CACNB1: variants seen among roughly 807,000 people sequenced by gnomAD.
CACNB1 encodes the protein calcium voltage-gated channel auxiliary subunit beta 1.
In CACNB1, 29 loss-of-function variants were observed where a neutral mutation model predicts 71.6. The observed-to-expected ratio is 0.40, with a 90% confidence interval of 0.30 to 0.55. The LOEUF is 0.55. Among genes scored for constraint, CACNB1 ranks in the 20% least tolerant of loss-of-function variants. The pLI is 0.38. For synonymous variants in CACNB1, 300 were observed against 319.6 expected, an observed-to-expected ratio of 0.94 and a Z score of 0.65; for missense variants, 623 against 801.8, an observed-to-expected ratio of 0.78 and a Z score of 2.69.
chr17:39,194,611 GCTGTCCCTGAATGAGATGAC>G lies in CACNB1; in HGVS notation c.171+253_171+272del, dbSNP rs1380379929. Reference sequence around the variant, plus strand: ...AGCAAGCTGGAGGGAGGCAGGCCAGGCTGTCCCTGAATGAGATGACGCAGGCCAGCAGGCAGCAGGGGAGG... The same window carrying G: ...AGCAAGCTGGAGGGAGGCAGGCCAGGGCAGGCCAGCAGGCAGCAGGGGAGG... On this transcript the variant is annotated intron_variant, in intron 2 of 13. Coordinates refer to ENST00000394303, the MANE Select transcript of CACNB1 (RefSeq NM_000723.5). The surrounding 1 kb of genome is among the most constrained non-coding windows in gnomAD (Gnocchi z 4.6). Among the ~76,000 whole-genome samples the G allele has an allele frequency of 2.0e-5, 3 of 152,012 alleles. No homozygotes were observed. The highest frequency in any genetic ancestry group is 4.4e-5 in the Non-Finnish European group (3 of 67,998).
In CACNB1 at chr17:39,174,854, C is replaced by A. The variant is rs1312904567; in HGVS notation, c.*339G>T. The A allele has an allele frequency of 8.2e-6, 2 of 244,068 alleles. No individual in the cohort carries two copies. The highest frequency in any genetic ancestry group is 1.9e-4 in the East Asian group (2 of 10,706). The allele number at this position is 244,068 out of a possible 1,614,324, so 15.1% of individuals were successfully genotyped here. ...GAAGGAGAGCCATCCCACTTAGGAC[C>A]GTCACTTAGGGCCCCGAGTAGAAAG... is the stretch of plus-strand genomic sequence containing the variant. On this transcript the variant is annotated 3_prime_UTR_variant, in exon 14 of 14. Coordinates refer to ENST00000394303, the MANE Select transcript of CACNB1 (RefSeq NM_000723.5).
Position 39,175,860 on chromosome 17 carries a change from C to T in CACNB1, c.1333-203G>A, listed in dbSNP as rs2045565377. ...CAGGGCATTTGCTCCTCTCTCGGGA[C>T]AGGGGGCACCCGACCTTCAACAGAT... On this transcript the variant is annotated intron_variant, in intron 13 of 13. Transcript: ENST00000394303. The surrounding 1 kb of genome is among the most constrained non-coding windows in gnomAD (Gnocchi z 4.7). Among the ~76,000 whole-genome samples, 1 of 152,162 alleles carries T rather than the reference C, an allele frequency of 6.6e-6. No individual in the cohort carries two copies. Among genetic ancestry groups the T allele is most frequent in the African/African-American group, 2.4e-5 (1 of 41,442 alleles).
intron 3 of CACNB1, among the ~76,000 whole-genome samples, chr17:39,190,944 C>T (rs1014835735): frequency 8.0e-4 from 121 of 152,074 alleles, no homozygotes; most frequent in Non-Finnish European, 1.4e-3. Context: ...GTGGCTCACG[C>T]CTGTAATCCC....
At chr17:39,180,875 G>C (rs1415863764) in intron 11 of CACNB1, among the ~76,000 whole-genome samples, 1 of 151,928 alleles carries the variant, frequency 6.6e-6, no homozygotes, top group Non-Finnish European at 1.5e-5. Flanking sequence ...ACCAAGCCTG[G>C]CTTATAGACT....
In CACNB1 at chr17:39,187,487, T is replaced by C. The variant is rs1030645718; in HGVS notation, c.406A>G (p.Ile136Val). 1 of 1,614,044 alleles carries C rather than the reference T, an allele frequency of 6.2e-7. No homozygotes were observed. Among genetic ancestry groups the C allele is most frequent in the Non-Finnish European group, 8.5e-7 (1 of 1,179,970 alleles). The change falls in exon 4 of 14, where the codon ATC becomes GTC. Residue 136 changes from isoleucine (I) to valine (V), a missense_variant. Ile to Val is a conservative substitution (Grantham distance 29). Coordinates refer to ENST00000394303, the MANE Select transcript of CACNB1 (RefSeq NM_000723.5). The part of the protein sequence containing the change: ...ITFEPKDFLH[I>V]KEKYNNDWWI... ...TCCCTCCAGATACCCACCTCCTTGA[T>C]GTGCAGGAAGTCTTTGGGCTCGAAG... is the stretch of plus-strand genomic sequence containing the variant.
At chr17:39,192,278 T>A (rs1306522357) in intron 2 of CACNB1, 2 of 152,596 alleles carry the variant, frequency 1.3e-5, no homozygotes, top group African/African-American at 2.4e-5. Flanking sequence ...GGGACAGGGC[T>A]TTCCCTGAAA....
intron 3 of CACNB1, 43 bp downstream of exon 3, chr17:39,191,431 G>A (rs202051171): frequency 1.3e-4 from 203 of 1,566,094 alleles, no homozygotes; most frequent in African/African-American, 6.9e-4. Flanking sequence ...CCCAGGACTG[G>A]GGGAAATCAT....
At chr17:39,189,362 CAAAAT>C (rs199945027) in intron 3 of CACNB1, among the ~76,000 whole-genome samples, 1 of 150,836 alleles carries the variant, frequency 6.6e-6, no homozygotes, top group African/African-American at 2.5e-5. Flanking sequence ...GACTCCGTCT[CAAAAT>C]AAAATAAAAT....
At chr17:39,191,089 G>A (rs1457659183) in intron 3 of CACNB1, among the ~76,000 whole-genome samples, 4 of 151,902 alleles carry the variant, frequency 2.6e-5, no homozygotes, top group Admixed American at 6.6e-5. Flanking sequence ...CTATAGTCCC[G>A]GCTACTTGGG....
chr17:39,186,174 G>A lies in CACNB1; in HGVS notation c.628+322C>T. The A allele has an allele frequency of 7.4e-7, 1 of 1,349,164 alleles. No homozygotes were observed. Among genetic ancestry groups the A allele is most frequent in the South Asian group, 1.2e-5 (1 of 81,766 alleles). 83.6% of individuals were successfully genotyped at this position (1,349,164 alleles called of 1,614,324 possible). On this transcript the variant is annotated intron_variant, in intron 6 of 13. Coordinates refer to ENST00000394303, the MANE Select transcript of CACNB1 (RefSeq NM_000723.5). The surrounding 1 kb of genome is among the most constrained non-coding windows in gnomAD (Gnocchi z 4.1). The stretch of plus-strand genomic sequence containing the variant: ...GGAGAAGGAGTGAGATGAACGTGGA[G>A]ACACAAGTACAGAACGCAGGGATGG...
At position 39,175,412 on chromosome 17, in the gene CACNB1, G is replaced by A; in HGVS notation, c.1578C>T (p.Pro526=). 1 of 1,614,224 alleles carries A rather than the reference G, an allele frequency of 6.2e-7. No individual in the cohort carries two copies. The highest frequency in any genetic ancestry group is 1.7e-5 in the Admixed American group (1 of 60,030). The change falls in exon 14 of 14, where the codon CCC becomes CCT. Residue 526 remains proline, a synonymous_variant. Coordinates refer to ENST00000394303, the MANE Select transcript of CACNB1 (RefSeq NM_000723.5). This position sits in a 1 kb window ranked among gnomAD's most constrained non-coding sequence, Gnocchi z 4.7. ...GDSCVDMETD[P]SEGPGLGDPA... ...GGTCTCCAAGCCCTGGCCCCTCTGA[G>A]GGGTCAGTCTCCATGTCCACACATG...
chr17:39,177,406 G>A lies in CACNB1; in HGVS notation c.1276C>T (p.Arg426Cys), dbSNP rs765810911. The part of the protein sequence containing the change: ...SSTPPNPLLN[R>C]TMATAALAAS... ...GCCAGGGCTGCGGTAGCCATGGTGC[G>A]GTTCAGCAGCGGATTGGGTGGCGTG... is the stretch of plus-strand genomic sequence containing the variant. The change falls in exon 13 of 14, where the codon CGC (arginine) becomes TGC (cysteine). Residue 426 changes from arginine to cysteine, a missense_variant. By Grantham distance (180) the Arg-to-Cys change is radical (BLOSUM62 -3). Transcript: ENST00000394303. 6.8e-6 allele frequency: 11 copies of A among 1,613,664 alleles called. No individual in the cohort carries two copies. Among genetic ancestry groups the A allele is most frequent in the Non-Finnish European group, 9.3e-6 (11 of 1,179,932 alleles).
chr17:39,177,660 T>G (rs2045621412), intron 12 of CACNB1, 125 bp from the exon 13 acceptor site: 30 of 716,738 alleles, frequency 4.2e-5, no homozygotes, highest in Non-Finnish European at 5.5e-5. Context: ...AAGAGGCCTC[T>G]GGATGTAGAA....
intron 4 of CACNB1, chr17:39,187,269 A>T (rs1199640326): frequency 6.2e-6 from 4 of 640,884 alleles, no homozygotes; most frequent in Non-Finnish European, 1.1e-5. Flanking sequence ...CAGGCCCCCT[A>T]ACAAACCCTC....
intron 3 of CACNB1, 37 bp from the exon 4 acceptor site, chr17:39,187,638 G>A (rs1249373732): frequency 7.4e-6 from 12 of 1,612,302 alleles, no homozygotes; most frequent in Non-Finnish European, 9.3e-6. Flanking sequence ...GCAACTAGAG[G>A]GCAAACCACA....
Position 39,194,824 on chromosome 17 carries a change from A to G in CACNB1, c.171+60T>C. ...CTGGACAATACCGCAGACCTGGCTC[A>G]CCAATGCTGGTCTCCACCAACCAGC... is the stretch of plus-strand genomic sequence containing the variant. On this transcript the variant is annotated intron_variant, in intron 2 of 13. Coordinates refer to ENST00000394303, the MANE Select transcript of CACNB1 (RefSeq NM_000723.5). This position sits in a 1 kb window ranked among gnomAD's most constrained non-coding sequence, Gnocchi z 4.6. 1 of 1,185,528 alleles carries G rather than the reference A, an allele frequency of 8.4e-7. No individual in the cohort carries two copies. Among genetic ancestry groups the G allele is most frequent in the Non-Finnish European group, 1.2e-6 (1 of 806,692 alleles). 73.4% of individuals were successfully genotyped at this position (1,185,528 alleles called of 1,614,324 possible).
chr17:39,178,062 G>T lies in CACNB1; in HGVS notation c.1068C>A (p.Ile356=). 1.2e-6 allele frequency: 2 copies of T among 1,613,968 alleles called. No individual in the cohort carries two copies. Among genetic ancestry groups the T allele is most frequent in the Non-Finnish European group, 1.7e-6 (2 of 1,179,828 alleles). Residue 356 remains isoleucine, a synonymous_variant, in exon 12 of 14, where the codon ATC becomes ATA. Transcript: ENST00000394303. ...TGGACTGAGACTTTCCTCGGGACTT[G>T]ATGAGCCTTTGAAGTACCTGGTTTG... ...ITSPKVLQRL[I]KSRGKSQSKH...
intron 11 of CACNB1, 51 bp downstream of exon 11, chr17:39,183,662 C>T (rs764760931): frequency 1.4e-6 from 2 of 1,441,970 alleles, no homozygotes; most frequent in South Asian, 1.4e-5. Context: ...TAAACCCAAG[C>T]AGCCCTTTCA....
chr17:39,192,578 G>A (rs1415739466), intron 2 of CACNB1: 2 of 152,754 alleles, frequency 1.3e-5, no homozygotes, highest in African/African-American at 4.8e-5. Flanking sequence ...GGGGACATGT[G>A]AGGGCAGGAG....
Sources: allele counts gnomAD v4.1 joint callset (sites outside exome capture counted in the v4.1 genomes callset), GRCh38; gene constraint gnomAD v4.1.1; non-coding constraint Gnocchi (gnomAD v3.1); transcripts MANE v1.5; gene names NCBI Gene and HGNC (gene_info 2026-07-23, HGNC 2026-07-21).